The following C10orf143 variants were observed in gnomAD, a reference collection of about 807,000 sequenced individuals.
C10orf143 encodes chromosome 10 open reading frame 143.
chr10:130,078,922 A>G (rs1357947374), intron 3 of C10orf143, among the ~76,000 whole-genome samples: 4 of 152,236 alleles, frequency 2.6e-5, no homozygotes, highest in African/African-American at 9.6e-5. Flanking sequence ...TGCAATATTA[A>G]GATTCCAAAT....
In C10orf143 at chr10:130,108,882, TGC is replaced by T. The variant is rs1388050482; in HGVS notation, c.69+1820_69+1821del. 2.6e-5 allele frequency among the ~76,000 whole-genome samples: 4 copies of T among 152,362 alleles called. No individual in the cohort carries two copies. The East Asian group carries it at 7.7e-4, about 29-fold the overall frequency. ...TAACCATTCAATCACTAGCAGTATT[TGC>T]CACGTCTCCACTAAACGTCTCAAAG... On this transcript the variant is annotated intron_variant, in intron 1 of 3. Coordinates refer to ENST00000637128, the MANE Select transcript of C10orf143 (RefSeq NM_001355042.2).
At chr10:130,046,910 G>A (rs1280689048) in intron 3 of C10orf143, among the ~76,000 whole-genome samples, 1 of 152,240 alleles carries the variant, frequency 6.6e-6, no homozygotes, top group African/African-American at 2.4e-5. Context: ...GGCAGTGTGA[G>A]CCCACCCCTG....
chr10:130,068,779 T>C (rs538072549), intron 3 of C10orf143, among the ~76,000 whole-genome samples: 3 of 150,926 alleles, frequency 2.0e-5, no homozygotes, highest in Admixed American at 6.6e-5. Flanking sequence ...TTAACGGGGA[T>C]CAACAGCAGA....
intron 3 of C10orf143, among the ~76,000 whole-genome samples, chr10:130,044,414 C>T (rs1258785853): frequency 2.6e-5 from 4 of 152,208 alleles, no homozygotes; most frequent in Non-Finnish European, 4.4e-5. Flanking sequence ...CTTCCCTTCA[C>T]TCCCAGGCTT....
chr10:130,080,834 C>T (rs1435037535), intron 1 of C10orf143, among the ~76,000 whole-genome samples: 1 of 152,062 alleles, frequency 6.6e-6, no homozygotes, highest in African/African-American at 2.4e-5. Flanking sequence ...AACCTTATGA[C>T]AGACTAGAAA....
At chr10:130,090,218 T>A (rs938130390) in intron 1 of C10orf143, among the ~76,000 whole-genome samples, 4 of 152,068 alleles carry the variant, frequency 2.6e-5, no homozygotes, top group African/African-American at 9.7e-5. Flanking sequence ...AGTACCTAGC[T>A]CATCTCATTG....
intron 3 of C10orf143, among the ~76,000 whole-genome samples, chr10:130,078,239 A>G (rs994196880): frequency 6.6e-6 from 1 of 152,140 alleles, no homozygotes; most frequent in Non-Finnish European, 1.5e-5. Flanking sequence ...GCCAGAACAC[A>G]AGCTCTCAAA....
At chr10:130,105,311 C>T (rs1156891376) in intron 1 of C10orf143, among the ~76,000 whole-genome samples, 1 of 152,214 alleles carries the variant, frequency 6.6e-6, no homozygotes, top group Non-Finnish European at 1.5e-5. Context: ...AGCCAGATGG[C>T]TTGGATTTAA....
chr10:130,110,240 A>G (rs1362561046), intron 1 of C10orf143, among the ~76,000 whole-genome samples: 2 of 152,196 alleles, frequency 1.3e-5, no homozygotes, highest in Non-Finnish European at 1.5e-5. Flanking sequence ...AATGCCGGGT[A>G]ATTTTCTGCG....
chr10:130,071,523 A>G (rs1177203622), intron 3 of C10orf143, among the ~76,000 whole-genome samples: 1 of 152,228 alleles, frequency 6.6e-6, no homozygotes, highest in Non-Finnish European at 1.5e-5. Flanking sequence ...CAAGAAACCC[A>G]TCTTTATATT....
chr10:130,048,358 GCTGAGAGTAGGTT>G (rs1444930540), intron 3 of C10orf143, among the ~76,000 whole-genome samples: 1 of 152,158 alleles, frequency 6.6e-6, no homozygotes, highest in Non-Finnish European at 1.5e-5. Flanking sequence ...GGCCAGGTTG[GCTGAGAGTAGGTT>G]CCCTCTCTCC....
At chr10:130,043,643 T>C (rs763255902) in intron 3 of C10orf143, among the ~76,000 whole-genome samples, 8 of 152,174 alleles carry the variant, frequency 5.3e-5, no homozygotes, top group Non-Finnish European at 1.2e-4. Flanking sequence ...CACCCCCAGG[T>C]GCCCTGCTCT....
intron 1 of C10orf143, among the ~76,000 whole-genome samples, chr10:130,102,245 T>C (rs1861569283): frequency 6.6e-6 from 1 of 151,772 alleles, no homozygotes; most frequent in Admixed American, 6.6e-5. Context: ...AAGAGTTCTA[T>C]AAATTCCAAG....
chr10:130,038,560 G>A (rs530475676), intron 3 of C10orf143, among the ~76,000 whole-genome samples: 8 of 152,088 alleles, frequency 5.3e-5, no homozygotes, highest in Admixed American at 1.3e-4. Flanking sequence ...AAATGGTTTC[G>A]GGGGATTATT....
chr10:130,050,131 C>A (rs1022749234), intron 3 of C10orf143, among the ~76,000 whole-genome samples: 6 of 152,224 alleles, frequency 3.9e-5, no homozygotes, highest in South Asian at 2.1e-4. Context: ...GTGGTGGGAC[C>A]CGCCTGGGCG....
chr10:130,103,427 T>A (rs554936899), intron 1 of C10orf143, among the ~76,000 whole-genome samples: 1 of 150,586 alleles, frequency 6.6e-6, no homozygotes, highest in East Asian at 2.0e-4. Flanking sequence ...GAGGCAGAGG[T>A]TGCAGTGAAA....
At chr10:130,059,465 G>A (rs1326985165), downstream of C10orf143, among the ~76,000 whole-genome samples, 1 of 152,106 alleles carries the variant, frequency 6.6e-6, no homozygotes, top group African/African-American at 2.4e-5. Flanking sequence ...GGGCAAAGGT[G>A]GAAAGTTTAC....
At chr10:130,088,905 T>C (rs1861336096) in intron 1 of C10orf143, among the ~76,000 whole-genome samples, 1 of 152,208 alleles carries the variant, frequency 6.6e-6, no homozygotes, top group Non-Finnish European at 1.5e-5. Context: ...AAGTTAGGAT[T>C]CTCACACTGA....
intron 1 of C10orf143, among the ~76,000 whole-genome samples, chr10:130,083,541 A>G (rs1490182702): frequency 6.6e-6 from 1 of 152,232 alleles, no homozygotes; most frequent in East Asian, 1.9e-4. Context: ...CATCCAAGCA[A>G]CGAAGTACTA....
Sources: gnomAD v4.1 joint callset for allele counts (sites outside exome capture counted in the v4.1 genomes callset) on GRCh38, gnomAD v4.1.1 for gene constraint, MANE v1.5 for transcripts, NCBI Gene and HGNC (gene_info 2026-07-23, HGNC 2026-07-21) for gene names.